The following NOTCH1 variants were observed in gnomAD, a reference collection of about 807,000 sequenced individuals.
The protein encoded by NOTCH1 is notch receptor 1.
A neutral mutation model predicts 254.8 loss-of-function variants in NOTCH1; 37 were observed. The ratio of observed to expected loss-of-function variants is 0.15; its 90% CI spans 0.11 to 0.19. NOTCH1 has a LOEUF of 0.19. Among genes scored for constraint, NOTCH1 ranks in the 10% least tolerant of loss-of-function variants. The pLI is 1.00. For synonymous variants in NOTCH1, 1,731 were observed against 1,618.1 expected, an observed-to-expected ratio of 1.07 and a Z score of -1.68; for missense variants, 2,972 against 3,708.6, an observed-to-expected ratio of 0.80 and a Z score of 5.16.
At chr9:136,527,368 TG>T (rs1388015459) in intron 2 of NOTCH1, among the ~76,000 whole-genome samples, 6 of 152,246 alleles carry the variant, frequency 3.9e-5, no homozygotes, top group Non-Finnish European at 7.3e-5. Flanking sequence ...CGGGCCACTC[TG>T]TCTTCAATGC....
chr9:136,543,748 G>C (rs1255776871), intron 2 of NOTCH1: 1 of 577,768 alleles, frequency 1.7e-6, no homozygotes, highest in Non-Finnish European at 3.1e-6. Flanking sequence ...AAGAAGAATT[G>C]GGGTACTGGG....
At chr9:136,543,874 CTT>C in intron 2 of NOTCH1, 148 bp downstream of exon 2, 1 of 781,758 alleles carries the variant, frequency 1.3e-6, no homozygotes, top group Non-Finnish European at 2.2e-6. Context: ...AATTGCCAGA[CTT>C]TGTCCAATAA....
At chr9:136,507,211 T>C (rs1487647504) in intron 22 of NOTCH1, 94 bp downstream of exon 22, 17 of 1,597,328 alleles carry the variant, frequency 1.1e-5, no homozygotes, top group Non-Finnish European at 1.5e-5. Flanking sequence ...TTCTGGCTGG[T>C]TCCTGGATGC....
chr9:136,522,813 G>A, intron 4 of NOTCH1, 37 bp downstream of exon 4: 1 of 1,444,766 alleles, frequency 6.9e-7, no homozygotes, highest in Non-Finnish European at 9.1e-7. Context: ...GGCAGCCGGG[G>A]AGGGGCTCGT....
rs1320009844 is a variant in NOTCH1, at chr9:136,540,271, G to A, written c.140+3753C>T. Reference sequence around the variant, plus strand: ...CATGTCTGCCCTGTCCCCACCGGGGGCCTGGCCTGGAGCAGAACGCAGCAC... The same window carrying A: ...CATGTCTGCCCTGTCCCCACCGGGGACCTGGCCTGGAGCAGAACGCAGCAC... On this transcript the variant is annotated intron_variant, in intron 2 of 33. Transcript: ENST00000651671. The surrounding 1 kb of genome is among the most constrained non-coding windows in gnomAD (Gnocchi z 4.4). Among the ~76,000 whole-genome samples, 1 of 152,164 alleles carries A rather than the reference G, an allele frequency of 6.6e-6. No individual in the cohort carries two copies. Among genetic ancestry groups the A allele is most frequent in the African/African-American group, 2.4e-5 (1 of 41,436 alleles).
At position 136,517,864 on chromosome 9, in the gene NOTCH1, G is replaced by A; in HGVS notation, c.1329C>T (p.Gly443=). 6.2e-7 allele frequency: 1 copy of A among 1,612,378 alleles called. No homozygotes were observed. Among genetic ancestry groups the A allele is most frequent in the Non-Finnish European group, 8.5e-7 (1 of 1,179,846 alleles). ...LGSFECQCLQ[G]YTGPRCEIDV... ...CGATCTCGCATCGGGGGCCCGTGTAGCCCTGCAGACACTGGCACTCGAAGG... is the reference window on the plus strand; with the variant it reads ...CGATCTCGCATCGGGGGCCCGTGTAACCCTGCAGACACTGGCACTCGAAGG... The change falls in exon 8 of 34, where the codon GGC becomes GGT. Residue 443 remains glycine, a synonymous_variant. Coordinates refer to ENST00000651671, the MANE Select transcript of NOTCH1 (RefSeq NM_017617.5).
chr9:136,509,318 G>A lies in NOTCH1; in HGVS notation c.2970-247C>T, dbSNP rs3124599. On this transcript the variant is annotated intron_variant, in intron 18 of 33. Coordinates refer to ENST00000651671, the MANE Select transcript of NOTCH1 (RefSeq NM_017617.5). ...GGTCGAGAGTGGTTTTACCAAACGCGTGGGCATAGGGTGGTTAAAGTAAAT... is the reference window on the plus strand; with the variant it reads ...GGTCGAGAGTGGTTTTACCAAACGCATGGGCATAGGGTGGTTAAAGTAAAT... Among the ~76,000 whole-genome samples the A allele has an allele frequency of 0.13, 19,941 of 152,194 alleles. 2,220 individuals are homozygous for A. Among genetic ancestry groups the A allele is most frequent in the East Asian group, 0.58 (2,983 of 5,168 alleles).
rs373560452 is a variant in NOTCH1, at chr9:136,515,652, G to A, written c.1734C>T (p.Gly578=). 2 of 1,589,734 alleles carry A rather than the reference G, an allele frequency of 1.3e-6. No homozygotes were observed. The highest frequency in any genetic ancestry group is 1.3e-5 in the African/African-American group (1 of 74,484). The change falls in exon 11 of 34, where the codon GGC becomes GGT. Residue 578 remains glycine (G), a synonymous_variant. Coordinates refer to ENST00000651671, the MANE Select transcript of NOTCH1 (RefSeq NM_017617.5). ...AGGTGGCGACGCCGTCCTTGCAGGA[G>A]CCGTAGTGGCAGGGGTCGGGGTCGC... ...DECDPDPCHY[G]SCKDGVATFT... is the part of the protein sequence containing the mutation.
At chr9:136,521,548 ACCACGGCCCC>A (rs1211334665) in intron 4 of NOTCH1, among the ~76,000 whole-genome samples, 6 of 152,110 alleles carry the variant, frequency 3.9e-5, no homozygotes, top group Non-Finnish European at 4.4e-5. Flanking sequence ...CCTAGCCTGA[ACCACGGCCCC>A]CCAAGAGCTT....
In NOTCH1 at chr9:136,515,732, G is replaced by T. The variant is rs1428620733; in HGVS notation, c.1670-16C>A. 2 of 1,530,820 alleles carry T rather than the reference G, an allele frequency of 1.3e-6. No homozygotes were observed. Among genetic ancestry groups the T allele is most frequent in the Admixed American group, 3.9e-5 (2 of 50,974 alleles). The allele number at this position is 1,530,820 out of a possible 1,614,324, so 94.8% of individuals were successfully genotyped here. A position where few individuals can be genotyped will look rare whatever the true frequency, so the allele number is the denominator to read the frequency against. ...CCCGTGTACCCTGGACCGTGGGAGG[G>T]GCGGGCACAGGAAGACTTAGGACTG... On this transcript the variant is annotated splice_polypyrimidine_tract_variant and intron_variant, in intron 10 of 33. Coordinates refer to ENST00000651671, the MANE Select transcript of NOTCH1 (RefSeq NM_017617.5).
chr9:136,531,435 G>A (rs1024233787), intron 2 of NOTCH1, among the ~76,000 whole-genome samples: 8 of 152,330 alleles, frequency 5.3e-5, no homozygotes, highest in Non-Finnish European at 7.4e-5. Context: ...AGGAAGGCGC[G>A]TGTCCCCCGC....
intron 2 of NOTCH1, among the ~76,000 whole-genome samples, chr9:136,527,415 G>A (rs1843481006): frequency 6.6e-6 from 1 of 152,100 alleles, no homozygotes; most frequent in South Asian, 2.1e-4. Context: ...GCCGCGAGGT[G>A]GGCGCCAGGG....
chr9:136,512,915 CCCTGGCCCCA>C, intron 15 of NOTCH1, 96 bp downstream of exon 15: 2 of 414,748 alleles, frequency 4.8e-6, no homozygotes, highest in Non-Finnish European at 4.8e-6. Flanking sequence ...CCGCCCCCAC[CCCTGGCCCCA>C]CCCTCTCCAG....
chr9:136,527,226 G>A (rs1238248067), intron 2 of NOTCH1, among the ~76,000 whole-genome samples: 1 of 152,226 alleles, frequency 6.6e-6, no homozygotes, highest in African/African-American at 2.4e-5. Context: ...GCGAACACCT[G>A]CCCTCCGCAC....
intron 2 of NOTCH1, among the ~76,000 whole-genome samples, chr9:136,532,529 G>T (rs1422159183): frequency 2.0e-5 from 3 of 152,188 alleles, no homozygotes; most frequent in African/African-American, 7.2e-5. Flanking sequence ...GGGGCTCCAG[G>T]GTGGATGACA....
In NOTCH1 at chr9:136,540,164, G is replaced by A. The variant is rs1426226364; in HGVS notation, c.140+3860C>T. 6.6e-6 allele frequency among the ~76,000 whole-genome samples: 1 copy of A among 152,166 alleles called. No homozygotes were observed. The highest frequency in any genetic ancestry group is 1.5e-5 in the Non-Finnish European group (1 of 68,022). On this transcript the variant is annotated intron_variant, in intron 2 of 33. Transcript: ENST00000651671. The surrounding 1 kb of genome is among the most constrained non-coding windows in gnomAD (Gnocchi z 4.4). ...GCTATGCCAGGCCACCACCGGGCCG[G>A]CACACCCCCAACATGTCCCACATGT... is the stretch of plus-strand genomic sequence containing the variant.
chr9:136,515,403 G>T lies in NOTCH1; in HGVS notation c.1904-3C>A, dbSNP rs748118679. 12 of 1,612,762 alleles carry T rather than the reference G, an allele frequency of 7.4e-6. No homozygotes were observed. The Admixed American group carries it at 2.0e-4, about 27-fold the overall frequency. On this transcript the variant is annotated splice_polypyrimidine_tract_variant and splice_region_variant and intron_variant, in intron 11 of 33. Transcript: ENST00000651671. ...CAGGTTGATCTCGCAGTTGGGTCCT[G>T]AAGGGGTGGCACGTGTCGGTCAGTC...
intron 19 of NOTCH1, among the ~76,000 whole-genome samples, chr9:136,508,656 G>A (rs1249528111): frequency 2.6e-5 from 4 of 152,212 alleles, no homozygotes; most frequent in Non-Finnish European, 5.9e-5. Flanking sequence ...CTCCTGCCCC[G>A]GCTCCAGAAA....
chr9:136,526,365 G>C (rs1008471759), intron 2 of NOTCH1, among the ~76,000 whole-genome samples: 5 of 152,234 alleles, frequency 3.3e-5, no homozygotes, highest in African/African-American at 1.2e-4. Flanking sequence ...AGCCGCTGAA[G>C]TCGGCAGGGG....
Sources: gnomAD v4.1 joint callset for allele counts (sites outside exome capture counted in the v4.1 genomes callset) on GRCh38, gnomAD v4.1.1 for gene constraint, Gnocchi (gnomAD v3.1) non-coding constraint, MANE v1.5 for transcripts, NCBI Gene and HGNC (gene_info 2026-07-23, HGNC 2026-07-21) for gene names.